The following ABL2 variants were observed in gnomAD, a reference collection of about 807,000 sequenced individuals.
The protein encoded by ABL2 is tyrosine-protein kinase ABL2.
In ABL2, 49 loss-of-function variants were observed where a neutral mutation model predicts 107.7. The ratio of observed to expected loss-of-function variants is 0.45; its 90% confidence interval spans 0.36 to 0.58. ABL2 has a LOEUF of 0.58. ABL2 is among the 20% of genes least tolerant of loss of function. The pLI, the probability that ABL2 is intolerant of heterozygous loss-of-function variation, is 0.00. For missense variants in ABL2, 1,245 were observed against 1,457.0 expected (o/e 0.85, Z 2.37); for synonymous variants, 549 against 548.6 (o/e 1.00, Z -0.01).
In ABL2 at chr1:179,124,464, C is replaced by CTTTTTTTTTTTTT. The variant is rs562899587; in HGVS notation, c.687+1900_687+1912dup. On this transcript the variant is annotated intron_variant, in intron 4 of 11. Coordinates refer to ENST00000502732, the MANE Select transcript of ABL2 (RefSeq NM_007314.4). Reference sequence around the variant, plus strand: ...TTCTAACATCTTAGATTAGCTTCTGCTTTTTTTTTTTTTTTTTTTTTTGAG... The same window carrying CTTTTTTTTTTTTT: ...TTCTAACATCTTAGATTAGCTTCTGCTTTTTTTTTTTTTTTTTTTTTTTTTTTTTTTTTTTGAG... 3.2e-4 allele frequency among the ~76,000 whole-genome samples: 27 copies of CTTTTTTTTTTTTT among 83,354 alleles called. 6 individuals are homozygous for CTTTTTTTTTTTTT. The highest frequency in any genetic ancestry group is 1.1e-3 in the African/African-American group (20 of 18,840). The allele number at this position is 83,354 out of a possible 152,430, so 54.7% of individuals were successfully genotyped here.
intron 1 of ABL2, among the ~76,000 whole-genome samples, chr1:179,135,616 C>G (rs868031607): frequency 2.6e-5 from 4 of 151,322 alleles, no homozygotes; most frequent in Non-Finnish European, 5.9e-5. Context: ...GTCAGCCCCC[C>G]ACCCGGCCAG....
chr1:179,164,806 TGTAGA>T (rs1360332783), intron 1 of ABL2, among the ~76,000 whole-genome samples: 1 of 152,220 alleles, frequency 6.6e-6, no homozygotes, highest in East Asian at 1.9e-4. Context: ...AATGTATCTG[TGTAGA>T]GTAGTCTCAC....
chr1:179,203,492 T>C (rs571594867), intron 1 of ABL2, among the ~76,000 whole-genome samples: 1 of 152,296 alleles, frequency 6.6e-6, no homozygotes, highest in African/African-American at 2.4e-5. Context: ...TTTTCAAGTA[T>C]TATTATCCCA....
At chr1:179,171,645 C>G (rs748286094) in intron 1 of ABL2, among the ~76,000 whole-genome samples, 18 of 152,200 alleles carry the variant, frequency 1.2e-4, no homozygotes, top group Admixed American at 5.2e-4. Context: ...GCCCCAGCCT[C>G]CCAAGTAGTT....
At chr1:179,128,099 A>G (rs1037691623) in intron 3 of ABL2, among the ~76,000 whole-genome samples, 12 of 151,840 alleles carry the variant, frequency 7.9e-5, no homozygotes, top group Non-Finnish European at 1.6e-4. Flanking sequence ...AAAAATAATT[A>G]TCCTTGTAAC....
rs1655756990 is a variant in ABL2 at position 179,126,746 on chromosome 1, A to G, written c.392-74T>C. ...TTTCAACTGAAGCAGTGTACTGTCAAACTTTAAACTCATTAAAAAAAAAAA... is the reference window on the plus strand; with the variant it reads ...TTTCAACTGAAGCAGTGTACTGTCAGACTTTAAACTCATTAAAAAAAAAAA... On this transcript the variant is annotated intron_variant, in intron 3 of 11. Coordinates refer to ENST00000502732, the MANE Select transcript of ABL2 (RefSeq NM_007314.4). This position sits in a 1 kb window ranked among gnomAD's most constrained non-coding sequence, Gnocchi z 4.4. The G allele has an allele frequency of 1.5e-6, 2 of 1,365,230 alleles. No homozygotes were observed. The highest frequency in any genetic ancestry group is 2.0e-6 in the Non-Finnish European group (2 of 1,019,464). The allele number at this position is 1,365,230 out of a possible 1,614,324, so 84.6% of individuals were successfully genotyped here.
chr1:179,200,455 T>C (rs904548349), intron 1 of ABL2, among the ~76,000 whole-genome samples: 1 of 152,192 alleles, frequency 6.6e-6, no homozygotes, highest in African/African-American at 2.4e-5. Context: ...GACAGCAAGG[T>C]ACAGTTTCAC....
At chr1:179,153,190 G>A (rs371325134) in intron 1 of ABL2, among the ~76,000 whole-genome samples, 38 of 152,044 alleles carry the variant, frequency 2.5e-4, no homozygotes, top group East Asian at 1.9e-3. Context: ...GGATGGTGCC[G>A]GATAACAGAA....
rs1194438803 is a variant in ABL2, at chr1:179,226,043, CAAAAAAAAAAA to C, written c.157+3187_157+3197del. Among the ~76,000 whole-genome samples the C allele has an allele frequency of 2.2e-4, 10 of 45,690 alleles. No individual in the cohort carries two copies. In the East Asian group the frequency reaches 9.6e-3, roughly 44 times the overall value. 30.0% of individuals were successfully genotyped at this position (45,690 alleles called of 152,430 possible). A position where few individuals can be genotyped will look rare whatever the true frequency, so the allele number is the denominator to read the frequency against. On this transcript the variant is annotated intron_variant, in intron 1 of 11. Coordinates refer to ENST00000502732, the MANE Select transcript of ABL2 (RefSeq NM_007314.4). ...TGGGCGACAGAGTGAGACTCCGCCT[CAAAAAAAAAAA>C]AAAAAAAAAAAAAAAAGAAACTATG...
chr1:179,206,474 C>T (rs1382775377), intron 1 of ABL2, among the ~76,000 whole-genome samples: 1 of 149,922 alleles, frequency 6.7e-6, no homozygotes, highest in Non-Finnish European at 1.5e-5. Context: ...ATAATTCATC[C>T]ACACAATGAA....
At chr1:179,115,234 G>A (rs1654512925) in intron 8 of ABL2, among the ~76,000 whole-genome samples, 1 of 152,138 alleles carries the variant, frequency 6.6e-6, no homozygotes, top group African/African-American at 2.4e-5. Flanking sequence ...ATAATCTCAA[G>A]ACAGTTTTAT....
chr1:179,165,818 G>A (rs189291084), intron 1 of ABL2, among the ~76,000 whole-genome samples: 6 of 150,928 alleles, frequency 4.0e-5, no homozygotes, highest in Non-Finnish European at 5.9e-5. Flanking sequence ...TTTTCCAGAC[G>A]GAGTTTCGCT....
At chr1:179,173,593 G>A (rs1360935535) in intron 1 of ABL2, among the ~76,000 whole-genome samples, 1 of 151,858 alleles carries the variant, frequency 6.6e-6, no homozygotes, top group Non-Finnish European at 1.5e-5. Flanking sequence ...CTCGTGATCC[G>A]CCCACCTTGG....
At chr1:179,214,134 A>C (rs753909689) in intron 1 of ABL2, among the ~76,000 whole-genome samples, 2 of 152,178 alleles carry the variant, frequency 1.3e-5, no homozygotes, top group Non-Finnish European at 2.9e-5. Context: ...TAAAATGCCC[A>C]CTAATAAACC....
chr1:179,124,486 T>TTTTA (rs869136521), intron 4 of ABL2, among the ~76,000 whole-genome samples: 1 of 146,422 alleles, frequency 6.8e-6, no homozygotes, highest in African/African-American at 2.5e-5. Flanking sequence ...TTTTTTTTTT[T>TTTTA]GAGACAGAGT....
intron 1 of ABL2, chr1:179,201,424 T>C (rs1348106314): frequency 5.8e-6 from 1 of 172,008 alleles, no homozygotes; most frequent in Admixed American, 6.3e-5. Flanking sequence ...GATGATTAAA[T>C]TATTTGTCTA....
chr1:179,203,967 T>C (rs187532619), intron 1 of ABL2, among the ~76,000 whole-genome samples: 6 of 152,288 alleles, frequency 3.9e-5, no homozygotes, highest in East Asian at 1.9e-4. Context: ...ACCTATCTAA[T>C]AGAAAGAGCT....
Position 179,108,337 on chromosome 1 carries a change from C to T in ABL2, c.2930G>A (p.Arg977Gln), listed in dbSNP as rs137859710. 5.6e-6 allele frequency: 9 copies of T among 1,614,076 alleles called. No individual in the cohort carries two copies. Among genetic ancestry groups the T allele is most frequent in the African/African-American group, 5.3e-5 (4 of 74,922 alleles). Residue 977 changes from arginine to glutamine, a missense_variant, in exon 12 of 12, where the codon CGG becomes CAG. By Grantham distance (43) the Arg-to-Gln change is conservative. Around this residue, in one of 3 missense-constraint regions of ABL2, gnomAD observed 761 missense variants for 766.4 expected, o/e 0.99. Transcript: ENST00000502732. ...GGGTGGGGCACACTTTGGTTTTACC[C>T]GTCGGGGTCGGTCCTTGTCTCCAGA... ...TSSGDKDRPR[R>Q]VKPKCAPPPP... is the part of the protein sequence containing the mutation.
chr1:179,204,677 G>A (rs1661854749), intron 1 of ABL2, among the ~76,000 whole-genome samples: 1 of 151,988 alleles, frequency 6.6e-6, no homozygotes, highest in Non-Finnish European at 1.5e-5. Flanking sequence ...AACCTGAGAG[G>A]CAGAGAGTAC....
Sources: gnomAD v4.1 joint callset for allele counts (sites outside exome capture counted in the v4.1 genomes callset) on GRCh38, gnomAD v4.1.1 for gene constraint, gnomAD v4.1.1 regional missense constraint, Gnocchi (gnomAD v3.1) non-coding constraint, MANE v1.5 for transcripts, NCBI Gene and HGNC (gene_info 2026-07-23, HGNC 2026-07-21) for gene names.